Variants in PTPRD observed in about 807,000 individuals in gnomAD.
PTPRD encodes the protein receptor-type tyrosine-protein phosphatase delta.
In PTPRD, 34 loss-of-function variants were observed where a neutral mutation model predicts 214.5. The ratio of observed to expected loss-of-function variants is 0.16; its 90% CI spans 0.12 to 0.21. The LOEUF is 0.21. PTPRD is among the 10% of genes least tolerant of loss of function. The pLI, the probability that PTPRD is intolerant of heterozygous loss-of-function variation, is 1.00. For missense variants in PTPRD, 2,545 were observed against 2,398.7 expected (o/e 1.06, Z -1.27); for synonymous variants, 1,128 against 845.7 (o/e 1.33, Z -5.79).
At chr9:10,194,371 G>T (rs1263488353) in intron 3 of PTPRD, among the ~76,000 whole-genome samples, 1,363 of 84,404 alleles carry the variant, frequency 0.016, 16 homozygotes, top group African/African-American at 0.019. Flanking sequence ...GAGAGAGAGA[G>T]AGAGAGAGAG....
intron 11 of PTPRD, among the ~76,000 whole-genome samples, chr9:8,957,191 A>G (rs1298318481): frequency 6.6e-6 from 1 of 151,792 alleles, no homozygotes; most frequent in African/African-American, 2.4e-5. Flanking sequence ...TTCCTTTCAT[A>G]TAACTTTCAC....
rs189141434 is a variant in PTPRD, at chr9:9,581,693, G to A, written c.-286-6912C>T. On this transcript the variant is annotated intron_variant, in intron 7 of 45. Transcript: ENST00000381196. Reference sequence around the variant, plus strand: ...TTTACCTTATCAAAATCTTCTCAACGTCTTAATCAATGCCTAACTTATTTC... The same window carrying A: ...TTTACCTTATCAAAATCTTCTCAACATCTTAATCAATGCCTAACTTATTTC... Among the ~76,000 whole-genome samples the A allele has an allele frequency of 7.2e-5, 11 of 152,210 alleles. No individual in the cohort carries two copies. The East Asian group carries it at 1.9e-3, about 27-fold the overall frequency.
intron 5 of PTPRD, among the ~76,000 whole-genome samples, chr9:9,896,631 T>A (rs558683110): frequency 6.6e-6 from 1 of 152,134 alleles, no homozygotes; most frequent in South Asian, 2.1e-4. Context: ...ACGAATTAGA[T>A]CCGAGGAATT....
In PTPRD at chr9:9,078,271, T is replaced by C. The variant is rs867502123; in HGVS notation, c.-142-59536A>G. Among the ~76,000 whole-genome samples, 43 of 152,300 alleles carry C rather than the reference T, an allele frequency of 2.8e-4. 1 individual carries two copies. Among genetic ancestry groups the C allele is most frequent in the Admixed American group, 2.7e-3 (41 of 15,266 alleles). On this transcript the variant is annotated intron_variant, in intron 10 of 45. Transcript: ENST00000381196. ...GAATTTGAAAACAGTTTGCTGGATA[T>C]ATTTTTTCCACTTCGCAAGAATTTC...
chr9:8,365,045 C>T (rs1261365095), intron 39 of PTPRD, among the ~76,000 whole-genome samples: 2 of 151,940 alleles, frequency 1.3e-5, no homozygotes, highest in African/African-American at 2.4e-5. Flanking sequence ...CATACTAGAC[C>T]CGCAGTCTGA....
intron 7 of PTPRD, among the ~76,000 whole-genome samples, chr9:9,702,951 G>A (rs1373794958): frequency 6.6e-6 from 1 of 152,108 alleles, no homozygotes; most frequent in African/African-American, 2.4e-5. Flanking sequence ...GATCCAGAAA[G>A]CCAATCTAAT....
chr9:9,073,685 A>G (rs1210031881), intron 10 of PTPRD, among the ~76,000 whole-genome samples: 2 of 152,166 alleles, frequency 1.3e-5, no homozygotes, highest in Non-Finnish European at 2.9e-5. Context: ...GGCTTGCCCT[A>G]TTAATTTTGG....
intron 8 of PTPRD, among the ~76,000 whole-genome samples, chr9:9,503,245 A>C (rs1273755346): frequency 6.6e-6 from 1 of 151,082 alleles, no homozygotes; most frequent in Non-Finnish European, 1.5e-5. Flanking sequence ...TGGATTTTTA[A>C]TAGGCTATTT....
At chr9:9,556,123 A>G (rs896503177) in intron 8 of PTPRD, among the ~76,000 whole-genome samples, 2 of 152,176 alleles carry the variant, frequency 1.3e-5, no homozygotes, top group African/African-American at 4.8e-5. Flanking sequence ...ATAGTCAATT[A>G]ATACATATTT....
intron 7 of PTPRD, among the ~76,000 whole-genome samples, chr9:9,719,612 CA>C (rs1371476417): frequency 6.6e-6 from 1 of 152,160 alleles, no homozygotes; most frequent in African/African-American, 2.4e-5. Context: ...AGTTGTAACA[CA>C]AACGGTCTGA....
chr9:9,869,951 G>A (rs913260489), intron 5 of PTPRD, among the ~76,000 whole-genome samples: 1 of 151,940 alleles, frequency 6.6e-6, no homozygotes, highest in African/African-American at 2.4e-5. Context: ...TGTAAAGTTT[G>A]TCCATAGCAC....
chr9:10,485,939 G>C (rs1164985930), intron 2 of PTPRD, among the ~76,000 whole-genome samples: 1 of 151,970 alleles, frequency 6.6e-6, no homozygotes, highest in East Asian at 1.9e-4. Context: ...TCCTTAATCA[G>C]TAATGTTGAG....
intron 7 of PTPRD, among the ~76,000 whole-genome samples, chr9:9,704,432 T>C (rs1037936681): frequency 6.6e-5 from 10 of 152,168 alleles, no homozygotes; most frequent in Non-Finnish European, 1.5e-4. Flanking sequence ...AAAGAGAACG[T>C]TGGGTGAGAA....
At chr9:9,839,379 A>G (rs1488151056) in intron 5 of PTPRD, among the ~76,000 whole-genome samples, 4 of 152,204 alleles carry the variant, frequency 2.6e-5, no homozygotes, top group Admixed American at 1.3e-4. Context: ...TCAATGTACA[A>G]AAATCACAAG....
chr9:10,294,912 T>TA (rs1302449898), intron 3 of PTPRD, among the ~76,000 whole-genome samples: 1 of 152,030 alleles, frequency 6.6e-6, no homozygotes, highest in African/African-American at 2.4e-5. Context: ...TTGTTTATTG[T>TA]ATGGTTTGAC....
At chr9:8,456,484 G>C (rs2133926222) in intron 33 of PTPRD, among the ~76,000 whole-genome samples, 1 of 152,244 alleles carries the variant, frequency 6.6e-6, no homozygotes, top group African/African-American at 2.4e-5. Context: ...CTAACCTAGG[G>C]AGGGCCTACT....
At chr9:9,811,443 C>A (rs1598477412) in intron 5 of PTPRD, among the ~76,000 whole-genome samples, 1 of 152,254 alleles carries the variant, frequency 6.6e-6, no homozygotes, top group South Asian at 2.1e-4. Flanking sequence ...CGCGGTGGCT[C>A]AGGCCTGTAA....
chr9:8,498,506 G>C (rs1009354520), intron 25 of PTPRD, among the ~76,000 whole-genome samples: 1 of 152,182 alleles, frequency 6.6e-6, no homozygotes, highest in African/African-American at 2.4e-5. Flanking sequence ...TCGATCTCTT[G>C]ACCAGGGGAT....
chr9:9,297,535 C>A (rs1176638560), intron 9 of PTPRD, among the ~76,000 whole-genome samples: 1 of 151,496 alleles, frequency 6.6e-6, no homozygotes, highest in Non-Finnish European at 1.5e-5. Context: ...TCCAAAAAGA[C>A]ATATAGATTG....
Sources: gnomAD v4.1 joint callset for allele counts (sites outside exome capture counted in the v4.1 genomes callset) on GRCh38, gnomAD v4.1.1 for gene constraint, MANE v1.5 for transcripts, NCBI Gene and HGNC (gene_info 2026-07-23, HGNC 2026-07-21) for gene names.